The following SMIM35 variants were observed in gnomAD, a reference collection of about 807,000 sequenced individuals.
SMIM35 encodes the protein small integral membrane protein 35, also known as TMPRSS4 antisense RNA 1 (non-protein coding).
At chr11:118,029,890 T>G (rs2058304444) in intron 1 of SMIM35, 1 of 421,562 alleles carries the variant, frequency 2.4e-6, no homozygotes, top group African/African-American at 2.1e-5. Context: ...CCAAGTGTTC[T>G]TTATCTGTCT....
chr11:118,060,247 C>T (rs553552873), intron 1 of SMIM35, among the ~76,000 whole-genome samples: 130 of 152,348 alleles, frequency 8.5e-4, no homozygotes, highest in African/African-American at 3.0e-3. Flanking sequence ...CCCATCCCAC[C>T]ACCTCTCAGG....
chr11:118,079,600 C>G (rs1944971453), intron 1 of SMIM35, among the ~76,000 whole-genome samples: 1 of 152,182 alleles, frequency 6.6e-6, no homozygotes, highest in Non-Finnish European at 1.5e-5. Flanking sequence ...CTAAACGCAC[C>G]CTGAGCCACC....
At chr11:118,009,509 C>A (rs188102826) in intron 4 of SMIM35, among the ~76,000 whole-genome samples, 1 of 152,104 alleles carries the variant, frequency 6.6e-6, no homozygotes, top group Admixed American at 6.5e-5. Context: ...TGGGAATGGG[C>A]CAGACTTGGA....
chr11:118,040,826 G>A (rs994814249), intron 1 of SMIM35, among the ~76,000 whole-genome samples: 1 of 152,040 alleles, frequency 6.6e-6, no homozygotes. Flanking sequence ...ACTAAGGGGT[G>A]GATGGGAGCA....
At chr11:118,048,946 C>CAAAAAAAAAAAAA (rs57261529) in intron 1 of SMIM35, among the ~76,000 whole-genome samples, 1,826 of 60,348 alleles carry the variant, frequency 0.03, 322 homozygotes, top group East Asian at 0.038. Context: ...TGAAGAGCTG[C>CAAAAAAAAAAAAA]AAAAAAAAAA....
chr11:118,028,094 C>G (rs909695653), intron 1 of SMIM35, among the ~76,000 whole-genome samples: 2 of 152,196 alleles, frequency 1.3e-5, no homozygotes, highest in African/African-American at 4.8e-5. Flanking sequence ...GCCAATTGGG[C>G]CAAGTTTACT....
chr11:118,049,547 C>T (rs1039926320), intron 1 of SMIM35, among the ~76,000 whole-genome samples: 1 of 151,812 alleles, frequency 6.6e-6, no homozygotes, highest in Admixed American at 6.6e-5. Flanking sequence ...CGGGGTTTTG[C>T]CATGTTGGCC....
chr11:118,058,440 G>A (rs950081349), intron 1 of SMIM35, among the ~76,000 whole-genome samples: 2 of 152,186 alleles, frequency 1.3e-5, no homozygotes, highest in Non-Finnish European at 2.9e-5. Context: ...CTGGGCAGGT[G>A]GGCAGCTTTG....
intron 1 of SMIM35, among the ~76,000 whole-genome samples, chr11:118,050,018 G>A (rs1023516463): frequency 2.6e-5 from 4 of 152,116 alleles, no homozygotes; most frequent in Admixed American, 6.5e-5. Flanking sequence ...TGTGGGGAGC[G>A]GATATAGAGA....
intron 1 of SMIM35, among the ~76,000 whole-genome samples, chr11:118,056,066 C>T (rs529012778): frequency 5.3e-5 from 8 of 152,100 alleles, no homozygotes; most frequent in South Asian, 2.1e-4. Flanking sequence ...GGAGAGATCA[C>T]GGTTCCCTTA....
intron 1 of SMIM35, among the ~76,000 whole-genome samples, chr11:118,030,231 C>T (rs1359327717): frequency 3.3e-5 from 5 of 151,986 alleles, no homozygotes; most frequent in Admixed American, 6.6e-5. Context: ...GATGGGGTTT[C>T]GCCATGTTGG....
At position 118,005,262 on chromosome 11, in the gene SMIM35, T is replaced by C. The variant is rs1052967329; in HGVS notation, c.*1148A>G. ...AAGGACCTGCTAGGGAAACAACTTA[T>C]AGCGACCACATTGCAGGTGATTCCA... On this transcript the variant is annotated 3_prime_UTR_variant, in exon 5 of 5. Transcript: ENST00000689828. The C allele has an allele frequency of 6.6e-6, 1 of 152,326 alleles. No homozygotes were observed. The highest frequency in any genetic ancestry group is 1.9e-4 in the East Asian group (1 of 5,178). 9.4% of individuals were successfully genotyped at this position (152,326 alleles called of 1,614,324 possible).
chr11:118,062,982 G>A (rs1397667023), intron 1 of SMIM35, among the ~76,000 whole-genome samples: 1 of 152,130 alleles, frequency 6.6e-6, no homozygotes, highest in Non-Finnish European at 1.5e-5. Flanking sequence ...GGCGACAAGA[G>A]TGACCTCTGG....
chr11:118,061,598 C>T (rs1261802337), intron 1 of SMIM35, among the ~76,000 whole-genome samples: 3 of 152,048 alleles, frequency 2.0e-5, no homozygotes, highest in African/African-American at 7.2e-5. Context: ...TCACCTGAGC[C>T]CTGGGAAAAC....
chr11:118,058,100 C>T (rs1944342959), intron 1 of SMIM35, among the ~76,000 whole-genome samples: 1 of 152,184 alleles, frequency 6.6e-6, no homozygotes, highest in African/African-American at 2.4e-5. Flanking sequence ...ATTAATTGTC[C>T]TGCCTAATTA....
intron 1 of SMIM35, among the ~76,000 whole-genome samples, chr11:118,047,091 T>C (rs1944109065): frequency 6.6e-6 from 1 of 152,150 alleles, no homozygotes; most frequent in Admixed American, 6.6e-5. Flanking sequence ...TGAATGAGTT[T>C]TAGGAGTAAA....
intron 1 of SMIM35, among the ~76,000 whole-genome samples, chr11:118,025,005 G>T (rs775068606): frequency 6.6e-6 from 1 of 152,032 alleles, no homozygotes; most frequent in Non-Finnish European, 1.5e-5. Context: ...CACTTGTAAC[G>T]GAAAACATGT....
intron 1 of SMIM35, among the ~76,000 whole-genome samples, chr11:118,025,095 G>T (rs980857886): frequency 1.3e-5 from 2 of 152,164 alleles, no homozygotes; most frequent in African/African-American, 4.8e-5. Context: ...CAAAGGAGAA[G>T]ATTTTGTTCT....
chr11:118,069,704 G>C (rs538829533), intron 1 of SMIM35, among the ~76,000 whole-genome samples: 2 of 152,182 alleles, frequency 1.3e-5, no homozygotes, highest in African/African-American at 4.8e-5. Flanking sequence ...ATTAGGCCAC[G>C]AGGGCACAGT....
Sources: allele counts gnomAD v4.1 joint callset (sites outside exome capture counted in the v4.1 genomes callset), GRCh38; gene constraint gnomAD v4.1.1; transcripts MANE v1.5; gene names NCBI Gene and HGNC (gene_info 2026-07-23, HGNC 2026-07-21).